EGF: variants seen among roughly 807,000 people sequenced by gnomAD.
The protein encoded by EGF is epidermal growth factor.
Under a neutral mutation model 143.8 loss-of-function variants are expected in EGF, and 95 were observed. That is an observed-to-expected ratio of 0.66 (90% CI 0.56 to 0.78). EGF has a LOEUF of 0.78. Ranked by LOEUF, EGF falls within the 30% of genes least tolerant of loss-of-function variation. EGF has a pLI of 0.00. For missense variants in EGF, 1,320 were observed against 1,470.9 expected (o/e 0.90, Z 1.68); for synonymous variants, 510 against 510.5 (o/e 1.00, Z 0.01).
Position 109,960,930 on chromosome 4 carries a change from C to T in EGF, c.1130C>T (p.Ser377Phe). The T allele has an allele frequency of 6.2e-7, 1 of 1,613,860 alleles. No individual in the cohort carries two copies. Among genetic ancestry groups the T allele is most frequent in the Non-Finnish European group, 8.5e-7 (1 of 1,179,878 alleles). Residue 377 changes from serine (S) to phenylalanine (F), a missense_variant, in exon 7 of 24, where the codon TCC becomes TTC. This residue lies in a region of EGF where 1,186 missense variants were observed against 1,313.7 expected (regional missense o/e 0.90). Coordinates refer to ENST00000265171, the MANE Select transcript of EGF (RefSeq NM_001963.6). Reference sequence around the variant, plus strand: ...CTTGGGTGTAAAAACACCCCTGGATCCTATTACTGCACGTGCCCTGTAGGA... The same window carrying T: ...CTTGGGTGTAAAAACACCCCTGGATTCTATTACTGCACGTGCCCTGTAGGA... ...CTLGCKNTPG[S>F]YYCTCPVGFV... is the part of the protein sequence containing the mutation.
At chr4:109,993,080 A>T (rs1163413545) in intron 18 of EGF, among the ~76,000 whole-genome samples, 167 bp from the exon 19 acceptor site, 1 of 152,178 alleles carries the variant, frequency 6.6e-6, no homozygotes, top group Non-Finnish European at 1.5e-5. Context: ...TGTGAACCCT[A>T]GAACTTTAAG....
intron 11 of EGF, among the ~76,000 whole-genome samples, chr4:109,971,914 A>G (rs1014653719): frequency 6.6e-6 from 1 of 152,170 alleles, no homozygotes; most frequent in African/African-American, 2.4e-5. Context: ...GAAAATTCCA[A>G]TGGTAATGCT....
chr4:109,989,766 T>C (rs1750670691), intron 18 of EGF, among the ~76,000 whole-genome samples: 1 of 152,186 alleles, frequency 6.6e-6, no homozygotes, highest in Non-Finnish European at 1.5e-5. Flanking sequence ...TTTAAACTCG[T>C]TAGGCTCTGG....
rs896950193 is a variant in EGF, at chr4:110,012,354, G to A, written c.*899G>A. 7.0e-6 allele frequency: 1 copy of A among 143,048 alleles called. No homozygotes were observed. Among genetic ancestry groups the A allele is most frequent in the Non-Finnish European group, 1.5e-5 (1 of 67,140 alleles). The allele number at this position is 143,048 out of a possible 1,614,324, so 8.9% of individuals were successfully genotyped here. A position where few individuals can be genotyped will look rare whatever the true frequency, so the allele number is the denominator to read the frequency against. ...AAAATGATTTGTCAAGCTTGCTGAT[G>A]TTTCTGTTTTTCGTTTTTTTTTTTT... On this transcript the variant is annotated 3_prime_UTR_variant, in exon 24 of 24. Transcript: ENST00000265171.
chr4:109,961,149 C>T (rs889462411), intron 7 of EGF, among the ~76,000 whole-genome samples, 160 bp downstream of exon 7: 6 of 151,214 alleles, frequency 4.0e-5, no homozygotes, highest in African/African-American at 1.5e-4. Flanking sequence ...GGATGACTGC[C>T]AGCCTGGGCA....
chr4:109,927,848 T>TGTGTGTGTGTGTGA (rs35084748), intron 1 of EGF, among the ~76,000 whole-genome samples: 13 of 142,550 alleles, frequency 9.1e-5, no homozygotes, highest in African/African-American at 2.8e-4. Context: ...TGTGTGTGTG[T>TGTGTGTGTGTGTGA]GAAACATTTG....
intron 5 of EGF, among the ~76,000 whole-genome samples, chr4:109,958,917 C>CA (rs57909689): frequency 0.14 from 14,184 of 98,516 alleles, 953 homozygotes; most frequent in Non-Finnish European, 0.18. Context: ...GACCCTGTCT[C>CA]AAAAAAAAAA....
intron 1 of EGF, among the ~76,000 whole-genome samples, chr4:109,928,603 A>AT (rs1739146392): frequency 6.6e-6 from 1 of 152,146 alleles, no homozygotes; most frequent in Non-Finnish European, 1.5e-5. Flanking sequence ...CAGAATGTAG[A>AT]TTTTCCCAAC....
At chr4:109,917,604 T>G (rs1379651728) in intron 1 of EGF, among the ~76,000 whole-genome samples, 1 of 152,102 alleles carries the variant, frequency 6.6e-6, no homozygotes, top group Admixed American at 6.6e-5. Context: ...TGATCCCATG[T>G]GATCAGTTGG....
chr4:109,945,426 A>T lies in EGF; in HGVS notation c.940+151A>T, dbSNP rs7661968. The T allele has an allele frequency of 0.078, 56,120 of 722,536 alleles. 2,799 individuals are homozygous for T. Among genetic ancestry groups the T allele is most frequent in the East Asian group, 0.19 (6,933 of 36,794 alleles). 44.8% of individuals were successfully genotyped at this position (722,536 alleles called of 1,614,324 possible). ...TCATAATAGACCCCTGTAAGAAAAG[A>T]CAGATTAACAAGAAAAAAACAAATA... On this transcript the variant is annotated intron_variant, in intron 5 of 23. Transcript: ENST00000265171.
rs1560708126 is a variant in EGF at position 109,968,703 on chromosome 4, T to TAC, written c.1576-268_1576-267insAC. The stretch of plus-strand genomic sequence containing the variant: ...ATCTATCTATCTATCTATCTATCTA[T>TAC]CTATCTACCTACCTACCTACCTACC... On this transcript the variant is annotated intron_variant, in intron 10 of 23. Transcript: ENST00000265171. The TAC allele has an allele frequency of 1.5e-5, 6 of 399,240 alleles. No individual in the cohort carries two copies. In the East Asian group the frequency reaches 3.8e-4, roughly 25 times the overall value. The allele number at this position is 399,240 out of a possible 1,614,324, so 24.7% of individuals were successfully genotyped here.
At chr4:109,969,460 G>A (rs1490903593) in intron 11 of EGF, among the ~76,000 whole-genome samples, 1 of 152,120 alleles carries the variant, frequency 6.6e-6, no homozygotes, top group East Asian at 1.9e-4. Context: ...TTGGAGGGTG[G>A]GTGGCAAGGG....
intron 5 of EGF, among the ~76,000 whole-genome samples, chr4:109,947,179 G>GAA: frequency 6.6e-6 from 1 of 151,782 alleles, no homozygotes; most frequent in South Asian, 2.1e-4. Flanking sequence ...GGGGCCTACA[G>GAA]AAAAAAAGTT....
intron 16 of EGF, 73 bp downstream of exon 16, chr4:109,983,614 T>C (rs1749709996): frequency 6.3e-7 from 1 of 1,597,720 alleles, no homozygotes; most frequent in Middle Eastern, 1.7e-4. Context: ...AATTTTGAAT[T>C]ACCTTTCTAA....
intron 3 of EGF, among the ~76,000 whole-genome samples, chr4:109,943,636 T>A (rs967733945): frequency 6.6e-6 from 1 of 152,200 alleles, no homozygotes; most frequent in Non-Finnish European, 1.5e-5. Context: ...CTAACTATCA[T>A]GGTTTTCTGC....
intron 5 of EGF, among the ~76,000 whole-genome samples, chr4:109,949,288 A>G (rs1188860249): frequency 6.6e-6 from 1 of 152,020 alleles, no homozygotes; most frequent in Non-Finnish European, 1.5e-5. Flanking sequence ...GCTGGTCTTA[A>G]ACTCTTGACC....
intron 11 of EGF, 61 bp from the exon 12 acceptor site, chr4:109,974,642 G>C (rs1748192642): frequency 7.3e-6 from 9 of 1,225,874 alleles, no homozygotes; most frequent in Admixed American, 1.7e-5. Context: ...GGAGAAAGGA[G>C]TATTTTTGTT....
At chr4:109,964,711 T>C (rs1255151559) in intron 10 of EGF, among the ~76,000 whole-genome samples, 174 bp downstream of exon 10, 2 of 152,188 alleles carry the variant, frequency 1.3e-5, no homozygotes, top group Non-Finnish European at 2.9e-5. Flanking sequence ...TTAAGGACTT[T>C]TTTGCCATCA....
In EGF at chr4:109,959,190, C is replaced by T. The variant is rs528704470; in HGVS notation, c.941-122C>T. ...ATCTGGGCTCTGGCTAAGTTTGCCTCCGTGAGAGATGCAGCTGTAGACGTT... is the reference window on the plus strand; with the variant it reads ...ATCTGGGCTCTGGCTAAGTTTGCCTTCGTGAGAGATGCAGCTGTAGACGTT... On this transcript the variant is annotated intron_variant, in intron 5 of 23. Transcript: ENST00000265171. 58 of 1,496,856 alleles carry T rather than the reference C, an allele frequency of 3.9e-5. No individual in the cohort carries two copies. In the East Asian group the frequency reaches 1.3e-3, roughly 34 times the overall value. 92.7% of individuals were successfully genotyped at this position (1,496,856 alleles called of 1,614,324 possible).
Sources: gnomAD v4.1 joint callset for allele counts (sites outside exome capture counted in the v4.1 genomes callset) on GRCh38, gnomAD v4.1.1 for gene constraint, gnomAD v4.1.1 regional missense constraint, MANE v1.5 for transcripts, NCBI Gene and HGNC (gene_info 2026-07-23, HGNC 2026-07-21) for gene names.